MTCL1: variants seen among roughly 807,000 people sequenced by gnomAD.
MTCL1 encodes the protein microtubule crosslinking factor 1.
A neutral mutation model predicts 141.4 loss-of-function variants in MTCL1; 79 were observed. The ratio of observed to expected loss-of-function variants is 0.56; its 90% CI spans 0.47 to 0.67. The LOEUF (loss-of-function observed/expected upper bound fraction) is 0.67. MTCL1 is among the 30% of genes least tolerant of loss of function. The probability of loss-of-function intolerance (pLI) is 0.00; values close to 1 mark genes in which losing one functional copy is unlikely to be tolerated. For synonymous variants in MTCL1, 914 were observed against 875.8 expected (o/e 1.04, Z -0.77); for missense variants, 2,177 against 2,113.9 (o/e 1.03, Z -0.59).
At chr18:8,726,412 C>T (rs1005555360) in intron 4 of MTCL1, among the ~76,000 whole-genome samples, 4 of 148,566 alleles carry the variant, frequency 2.7e-5, no homozygotes, top group African/African-American at 9.9e-5. Flanking sequence ...TCCCTGCTTA[C>T]AGATAGCTGC....
intron 4 of MTCL1, among the ~76,000 whole-genome samples, chr18:8,733,820 G>A (rs1044318837): frequency 6.6e-6 from 1 of 152,172 alleles, no homozygotes; most frequent in South Asian, 2.1e-4. Flanking sequence ...GTGGGGCTTG[G>A]CCAGGCCGTT....
At chr18:8,743,408 T>C (rs1461751888) in intron 4 of MTCL1, among the ~76,000 whole-genome samples, 3 of 152,234 alleles carry the variant, frequency 2.0e-5, no homozygotes, top group African/African-American at 4.8e-5. Flanking sequence ...TACAGATAAA[T>C]ATATTAGTTT....
At chr18:8,758,948 A>G (rs928329169) in intron 4 of MTCL1, among the ~76,000 whole-genome samples, 6 of 152,236 alleles carry the variant, frequency 3.9e-5, no homozygotes, top group African/African-American at 1.2e-4. Flanking sequence ...AGTGAAATCC[A>G]GTTGAAACAC....
intron 8 of MTCL1, among the ~76,000 whole-genome samples, chr18:8,794,272 G>A (rs1026479293): frequency 6.6e-6 from 1 of 152,236 alleles, no homozygotes; most frequent in African/African-American, 2.4e-5. Flanking sequence ...TAGTATGTGG[G>A]TTAATGATGA....
At chr18:8,772,321 G>A (rs553459380) in intron 4 of MTCL1, among the ~76,000 whole-genome samples, 1 of 152,304 alleles carries the variant, frequency 6.6e-6, no homozygotes, top group East Asian at 1.9e-4. Flanking sequence ...AGAAATCGGT[G>A]AATAACTTCC....
Position 8,705,701 on chromosome 18 carries a change from A to C in MTCL1, c.41A>C (p.Asp14Ala), listed in dbSNP as rs948113406. 5.0e-6 allele frequency: 6 copies of C among 1,201,772 alleles called. No homozygotes were observed. In the African/African-American group the frequency reaches 9.5e-5, roughly 19 times the overall value. The allele number at this position is 1,201,772 out of a possible 1,614,324, so 74.4% of individuals were successfully genotyped here. ...GGCCCCGCGGGCGGAGGTGCCCCGGACGCGAAGCTGCAGCCGCCCGGCCAG... is the reference window on the plus strand; with the variant it reads ...GGCCCCGCGGGCGGAGGTGCCCCGGCCGCGAAGCTGCAGCCGCCCGGCCAG... The change falls in exon 1 of 14, where the codon GAC becomes GCC. Residue 14 changes from aspartate to alanine, a missense_variant. Asp to Ala is a moderately radical substitution (Grantham distance 126). Transcript: ENST00000306329. This position sits in a 1 kb window ranked among gnomAD's most constrained non-coding sequence, Gnocchi z 5.2.
At chr18:8,825,045 C>T (rs2076971591) in exon 15 of MTCL1, 1 of 1,613,084 alleles carries the variant, frequency 6.2e-7, no homozygotes. Context: ...GAAGCAGCCA[C>T]TGCGGAGCCA....
intron 3 of MTCL1, among the ~76,000 whole-genome samples, chr18:8,719,643 A>G (rs943329859): frequency 2.6e-5 from 4 of 152,068 alleles, no homozygotes; most frequent in Admixed American, 2.0e-4. Flanking sequence ...GCTCACTGTT[A>G]CCTCGAACTC....
rs538594003 is a variant in MTCL1 at position 8,718,337 on chromosome 18, A to G, written c.-27-87A>G. ...GTAAGCGTGTAGGTATTCAATATTT[A>G]GTATTGAGGAGCGGGTATGAAGGAG... On this transcript the variant is annotated intron_variant, in intron 2 of 16. Transcript: ENST00000359865. 2.4e-5 allele frequency: 30 copies of G among 1,270,396 alleles called. 1 individual carries two copies. The South Asian group carries it at 3.7e-4, about 16-fold the overall frequency. The allele number at this position is 1,270,396 out of a possible 1,614,324, so 78.7% of individuals were successfully genotyped here.
At chr18:8,731,326 TA>T (rs2096249502) in intron 4 of MTCL1, among the ~76,000 whole-genome samples, 1 of 151,372 alleles carries the variant, frequency 6.6e-6, no homozygotes, top group South Asian at 2.1e-4. Context: ...CTAATCCCAG[TA>T]CTTTAGGAGG....
intron 16 of MTCL1, chr18:8,831,259 T>C (rs1277866960): frequency 1.8e-6 from 2 of 1,086,028 alleles, no homozygotes; most frequent in Non-Finnish European, 2.2e-6. Context: ...ATCTACCAGA[T>C]AGGAATATGA....
chr18:8,706,885 A>G (rs558899072), intron 1 of MTCL1, among the ~76,000 whole-genome samples, 172 bp downstream of exon 1: 37 of 152,346 alleles, frequency 2.4e-4, no homozygotes, highest in Admixed American at 6.5e-4. Flanking sequence ...AACTTCTGGA[A>G]GGAGAAGCAA....
intron 5 of MTCL1, among the ~76,000 whole-genome samples, chr18:8,780,330 C>T (rs2096528467): frequency 6.6e-6 from 1 of 152,256 alleles, no homozygotes; most frequent in Non-Finnish European, 1.5e-5. Flanking sequence ...CCTGCACCTC[C>T]TGGACTGGCT....
chr18:8,742,019 T>C (rs541715485), intron 4 of MTCL1, among the ~76,000 whole-genome samples: 1 of 149,532 alleles, frequency 6.7e-6, no homozygotes, highest in African/African-American at 2.4e-5. Flanking sequence ...CCTGGTGTCC[T>C]CAGGAGCTCT....
intron 3 of MTCL1, 78 bp from the exon 3 acceptor site, chr18:8,720,260 C>A: frequency 7.1e-7 from 1 of 1,398,746 alleles, no homozygotes; most frequent in Non-Finnish European, 9.9e-7. Context: ...AATGATTTTG[C>A]CTCTGATGTT....
At chr18:8,723,514 G>A (rs936242864) in intron 4 of MTCL1, among the ~76,000 whole-genome samples, 5 of 152,060 alleles carry the variant, frequency 3.3e-5, no homozygotes, top group African/African-American at 9.7e-5. Flanking sequence ...GTGTCCCCTC[G>A]GCCTCAGGGG....
intron 6 of MTCL1, among the ~76,000 whole-genome samples, chr18:8,785,525 A>G (rs1390874771): frequency 6.6e-6 from 1 of 152,150 alleles, no homozygotes; most frequent in Non-Finnish European, 1.5e-5. Flanking sequence ...GCCGCCCTGG[A>G]CTGTGGCTTT....
Position 8,706,814 on chromosome 18 carries a change from T to G in MTCL1, c.1053+101T>G, listed in dbSNP as rs141045480. The stretch of plus-strand genomic sequence containing the variant: ...TCCTTCCCGGGCCTGTCCAGCGCCT[T>G]CTCCCTCCTGCTCTCCACGGTCCTA... On this transcript the variant is annotated intron_variant, in intron 1 of 13. Transcript: ENST00000306329. The G allele has an allele frequency of 1.5e-3, 2,216 of 1,488,132 alleles. 34 individuals are homozygous for G. In the African/African-American group the frequency reaches 0.028, roughly 19 times the overall value. The allele number at this position is 1,488,132 out of a possible 1,614,324, so 92.2% of individuals were successfully genotyped here.
At chr18:8,777,772 G>A in intron 4 of MTCL1, 61 bp from the exon 4 acceptor site, 2 of 1,502,986 alleles carry the variant, frequency 1.3e-6, no homozygotes, top group South Asian at 1.1e-5. Context: ...GACGATGTTT[G>A]CTAATGCTGG....
Sources: gnomAD v4.1 joint callset for allele counts (sites outside exome capture counted in the v4.1 genomes callset) on GRCh38, gnomAD v4.1.1 for gene constraint, Gnocchi (gnomAD v3.1) non-coding constraint, MANE v1.5 for transcripts, NCBI Gene and HGNC (gene_info 2026-07-23, HGNC 2026-07-21) for gene names.